The following PCDHA3 variants were observed in gnomAD, a reference collection of about 807,000 sequenced individuals.
The protein encoded by PCDHA3 is protocadherin alpha-3.
A neutral mutation model predicts 62.2 loss-of-function variants in PCDHA3; 41 were observed. That is an observed-to-expected ratio of 0.66 (90% confidence interval 0.51 to 0.86). The LOEUF (loss-of-function observed/expected upper bound fraction) is 0.86. Ranked by LOEUF, PCDHA3 falls within the 40% of genes least tolerant of loss-of-function variation. The pLI is 0.00. For missense variants in PCDHA3, 1,304 were observed against 1,241.2 expected (o/e 1.05, Z -0.76); for synonymous variants, 640 against 555.4 (o/e 1.15, Z -2.14).
Position 140,857,707 on chromosome 5 carries a change from C to T in PCDHA3, c.2394+54116C>T, listed in dbSNP as rs1554150544. Reference sequence around the variant, plus strand: ...GCAGCAACTTGACGCTGCAGGTGTTCGTGCTGGACGAGAACGACAACGCTC... The same window carrying T: ...GCAGCAACTTGACGCTGCAGGTGTTTGTGCTGGACGAGAACGACAACGCTC... On this transcript the variant is annotated intron_variant, in intron 1 of 3. Coordinates refer to ENST00000522353, the MANE Select transcript of PCDHA3 (RefSeq NM_018906.3). 3.1e-6 allele frequency: 5 copies of T among 1,597,080 alleles called. 1 individual carries two copies. Among genetic ancestry groups the T allele is most frequent in the East Asian group, 2.2e-5 (1 of 44,802 alleles).
chr5:140,843,712 C>T, intron 1 of PCDHA3: 1 of 1,569,886 alleles, frequency 6.4e-7, no homozygotes, highest in Non-Finnish European at 8.7e-7. Context: ...ATCATGGCCT[C>T]AAAGTAAGTC....
intron 1 of PCDHA3, among the ~76,000 whole-genome samples, chr5:140,826,740 T>C (rs2150145244): frequency 7.9e-5 from 12 of 152,076 alleles, no homozygotes; most frequent in African/African-American, 2.7e-4. Context: ...GTCTATATTG[T>C]CAGAAAAATA....
intron 1 of PCDHA3, chr5:140,926,719 A>C: frequency 2.0e-6 from 2 of 986,548 alleles, no homozygotes; most frequent in Non-Finnish European, 2.7e-6. Context: ...AGCCCCGGCA[A>C]TGCCGGCGTT....
At chr5:141,009,271 A>G (rs1420991909) in intron 3 of PCDHA3, among the ~76,000 whole-genome samples, 15 of 152,156 alleles carry the variant, frequency 9.9e-5, no homozygotes, top group Admixed American at 6.5e-4. Context: ...CCTGGGCAAC[A>G]TAGTGAGATC....
chr5:140,859,951 A>G (rs1376166288), intron 1 of PCDHA3: 3 of 151,970 alleles, frequency 2.0e-5, no homozygotes, highest in African/African-American at 7.3e-5. Context: ...ACTCATATCA[A>G]TTGTAAAAGT....
chr5:140,832,598 C>A (rs868938084), intron 1 of PCDHA3, among the ~76,000 whole-genome samples: 1 of 152,252 alleles, frequency 6.6e-6, no homozygotes, highest in African/African-American at 2.4e-5. Flanking sequence ...AGAACTATAG[C>A]GTTGCTAGTG....
At position 140,829,352 on chromosome 5, in the gene PCDHA3, T is replaced by A; in HGVS notation, c.2394+25761T>A. 12 of 1,614,230 alleles carry A rather than the reference T, an allele frequency of 7.4e-6. No individual in the cohort carries two copies. Among genetic ancestry groups the A allele is most frequent in the Non-Finnish European group, 1.0e-5 (12 of 1,180,050 alleles). On this transcript the variant is annotated intron_variant, in intron 1 of 3. Transcript: ENST00000522353. ...CCTGGACCGCGAGAGCGTGTCGGCC[T>A]ATGAGTTGGTGGTAACCGCGCGGGA...
At chr5:140,944,642 T>C (rs535941591) in intron 1 of PCDHA3, among the ~76,000 whole-genome samples, 35 of 152,342 alleles carry the variant, frequency 2.3e-4, no homozygotes, top group African/African-American at 7.9e-4. Context: ...CCAGTGTGGA[T>C]TGGGAGTCCA....
chr5:140,930,803 T>C (rs1227085867), intron 1 of PCDHA3, among the ~76,000 whole-genome samples: 2 of 152,222 alleles, frequency 1.3e-5, no homozygotes, highest in Non-Finnish European at 2.9e-5. Context: ...ATCCAGCATA[T>C]AAGATATGCT....
intron 1 of PCDHA3, chr5:140,853,507 A>G (rs762597106): frequency 6.1e-6 from 6 of 977,198 alleles, no homozygotes; most frequent in South Asian, 4.8e-5. Context: ...TCATGAAACA[A>G]TAATGAAGCT....
intron 1 of PCDHA3, chr5:140,830,026 C>T: frequency 1.2e-6 from 2 of 1,613,904 alleles, no homozygotes; most frequent in Non-Finnish European, 1.7e-6. Context: ...CTCCGCGCCA[C>T]CGGCTGCTGG....
intron 1 of PCDHA3, chr5:140,823,804 G>C (rs782334570): frequency 1.2e-6 from 2 of 1,613,694 alleles, no homozygotes; most frequent in Non-Finnish European, 1.7e-6. Flanking sequence ...GGCGCCGAAG[G>C]CCTCATCGCG....
Position 140,849,328 on chromosome 5 carries a change from T to C in PCDHA3, c.2394+45737T>C, listed in dbSNP as rs2150435086. ...GACGAAGGCTTGAATGGGGATATTA[T>C]TTACTCCTTCTCCAGTGATGTTTCT... is the stretch of plus-strand genomic sequence containing the variant. On this transcript the variant is annotated intron_variant, in intron 1 of 3. Transcript: ENST00000522353. 1,235 of 1,370,890 alleles carry C rather than the reference T, an allele frequency of 9.0e-4. 32 individuals carry two copies. In the African/African-American group the frequency reaches 0.018, roughly 20 times the overall value. 84.9% of individuals were successfully genotyped at this position (1,370,890 alleles called of 1,614,324 possible). A position where few individuals can be genotyped will look rare whatever the true frequency, so the allele number is the denominator to read the frequency against.
chr5:140,803,455 A>G lies in PCDHA3; in HGVS notation c.2258A>G (p.Gln753Arg). The G allele has an allele frequency of 1.9e-6, 3 of 1,614,234 alleles. No individual in the cohort carries two copies. Among genetic ancestry groups the G allele is most frequent in the Non-Finnish European group, 2.5e-6 (3 of 1,180,030 alleles). The change falls in exon 1 of 4, where the codon CAG becomes CGG. Residue 753 changes from glutamine to arginine, a missense_variant. Transcript: ENST00000522353. ...GTGGGGAGCTGGTCATACTCGCAGC[A>G]GAGGCAGCAGAGGGTGTGCTCTGGA... ...SAVGSWSYSQQRQQRVCSGEG... is the reference protein window; with the variant it reads ...SAVGSWSYSQRRQQRVCSGEG...
Position 140,842,238 on chromosome 5 carries a change from G to A in PCDHA3, c.2394+38647G>A, listed in dbSNP as rs1554138909. ...AATACGGGAGAAATAGTGATTCGGG[G>A]TAATTTGGATTTTGAACAAGAAAAC... On this transcript the variant is annotated intron_variant, in intron 1 of 3. Coordinates refer to ENST00000522353, the MANE Select transcript of PCDHA3 (RefSeq NM_018906.3). 6.2e-6 allele frequency: 10 copies of A among 1,612,562 alleles called. No homozygotes were observed. Among genetic ancestry groups the A allele is most frequent in the South Asian group, 2.2e-5 (2 of 91,028 alleles).
intron 1 of PCDHA3, among the ~76,000 whole-genome samples, chr5:140,831,520 C>CTTTTTTTT (rs35178185): frequency 4.1e-5 from 5 of 122,414 alleles, no homozygotes; most frequent in Non-Finnish European, 6.6e-5. Context: ...TGCCCCCCAC[C>CTTTTTTTT]TTTTTTTTTT....
At chr5:140,832,735 T>C (rs1373705667) in intron 1 of PCDHA3, among the ~76,000 whole-genome samples, 2 of 152,316 alleles carry the variant, frequency 1.3e-5, no homozygotes, top group Non-Finnish European at 1.5e-5. Context: ...GTATCCTACA[T>C]AAATACGATG....
chr5:140,828,548 C>A (rs2150156612), intron 1 of PCDHA3: 1 of 1,614,200 alleles, frequency 6.2e-7, no homozygotes. Context: ...TTCTGTGTTT[C>A]CACTGGAGGG....
intron 1 of PCDHA3, chr5:140,852,134 G>A: frequency 3.4e-6 from 3 of 887,872 alleles, no homozygotes; most frequent in Non-Finnish European, 4.1e-6. Flanking sequence ...AAACTCAGTA[G>A]AGAAAGATCA....
Sources: gnomAD v4.1 joint callset for allele counts (sites outside exome capture counted in the v4.1 genomes callset) on GRCh38, gnomAD v4.1.1 for gene constraint, MANE v1.5 for transcripts, NCBI Gene and HGNC (gene_info 2026-07-23, HGNC 2026-07-21) for gene names.